Variants in ADCY2 observed in about 807,000 individuals in gnomAD.
ADCY2 encodes adenylate cyclase 2.
In ADCY2, 31 loss-of-function variants were observed where a neutral mutation model predicts 125.2. The observed-to-expected ratio is 0.25, with a 90% CI of 0.19 to 0.33. The LOEUF (loss-of-function observed/expected upper bound fraction) is 0.33. ADCY2 is among the 10% of genes least tolerant of loss of function. The probability of loss-of-function intolerance (pLI) is 1.00; values close to 1 mark genes in which losing one functional copy is unlikely to be tolerated. For missense variants in ADCY2, 904 were observed against 1,418.2 expected (o/e 0.64, Z 5.82); for synonymous variants, 512 against 548.4 (o/e 0.93, Z 0.93).
At chr5:7,609,728 G>T (rs1208804787) in intron 3 of ADCY2, among the ~76,000 whole-genome samples, 6 of 152,190 alleles carry the variant, frequency 3.9e-5, no homozygotes, top group Non-Finnish European at 5.9e-5. Flanking sequence ...AAGTATCAGG[G>T]AGTATTACTC....
At chr5:7,817,145 G>GA (rs57771304) in intron 23 of ADCY2, among the ~76,000 whole-genome samples, 165 bp downstream of exon 23, 4,893 of 145,514 alleles carry the variant, frequency 0.034, 277 homozygotes, top group African/African-American at 0.11. Flanking sequence ...GAACAAATTA[G>GA]AAAAAAAAAA....
At chr5:7,792,475 C>T (rs911576756) in intron 20 of ADCY2, among the ~76,000 whole-genome samples, 2 of 152,096 alleles carry the variant, frequency 1.3e-5, no homozygotes, top group Non-Finnish European at 1.5e-5. Context: ...CAGAGGAAAG[C>T]TCTGGAGCTC....
chr5:7,504,370 T>A (rs1427261925), intron 2 of ADCY2, among the ~76,000 whole-genome samples: 1 of 152,242 alleles, frequency 6.6e-6, no homozygotes, highest in Non-Finnish European at 1.5e-5. Context: ...TGAGTCTATT[T>A]CAACATCTGC....
At chr5:7,668,504 C>T (rs373491286) in intron 4 of ADCY2, among the ~76,000 whole-genome samples, 2 of 152,182 alleles carry the variant, frequency 1.3e-5, no homozygotes, top group African/African-American at 4.8e-5. Context: ...CTAACTAATA[C>T]ACATGGGTAC....
rs1310092365 is a variant in ADCY2 at position 7,804,543 on chromosome 5, A to G, written c.2776-42A>G. ...TCTATAAAATGCTCAGCTTCAGGTC[A>G]GCATCCAGCTGAGTAACTGGACGGT... On this transcript the variant is annotated intron_variant, in intron 21 of 24. Transcript: ENST00000338316. The G allele has an allele frequency of 2.7e-6, 4 of 1,465,848 alleles. No individual in the cohort carries two copies. The South Asian group carries it at 4.5e-5, about 17-fold the overall frequency. The allele number at this position is 1,465,848 out of a possible 1,614,324, so 90.8% of individuals were successfully genotyped here. A position where few individuals can be genotyped will look rare whatever the true frequency, so the allele number is the denominator to read the frequency against.
In ADCY2 at chr5:7,828,416, T is replaced by C. The variant is rs953443235; in HGVS notation, c.*1545T>C. On this transcript the variant is annotated 3_prime_UTR_variant, in exon 25 of 25. Coordinates refer to ENST00000338316, the MANE Select transcript of ADCY2 (RefSeq NM_020546.3). ...GAGTACTTTCCTTATTGGCAACTTATGGACTCGCTAGTGATTAAACGAGGC... is the reference window on the plus strand; with the variant it reads ...GAGTACTTTCCTTATTGGCAACTTACGGACTCGCTAGTGATTAAACGAGGC... 6.6e-6 allele frequency: 1 copy of C among 152,208 alleles called. No individual in the cohort carries two copies. The highest frequency in any genetic ancestry group is 1.5e-5 in the Non-Finnish European group (1 of 68,036). The allele number at this position is 152,208 out of a possible 1,614,324, so 9.4% of individuals were successfully genotyped here.
At chr5:7,768,500 A>T (rs1293049712) in intron 17 of ADCY2, among the ~76,000 whole-genome samples, 2 of 152,162 alleles carry the variant, frequency 1.3e-5, no homozygotes, top group African/African-American at 2.4e-5. Flanking sequence ...TGAGTTTAAA[A>T]TTTTAACATG....
rs542111963 is a variant in ADCY2, at chr5:7,517,206, C to T, written c.409-3532C>T. The stretch of plus-strand genomic sequence containing the variant: ...ATTGGAATGAGTGCTGTTGCCTCAG[C>T]TATTGTGCAAACTTGGGGTTTCTGC... On this transcript the variant is annotated intron_variant, in intron 2 of 24. Coordinates refer to ENST00000338316, the MANE Select transcript of ADCY2 (RefSeq NM_020546.3). Among the ~76,000 whole-genome samples the T allele has an allele frequency of 9.9e-5, 15 of 152,204 alleles. No homozygotes were observed. The South Asian group carries it at 3.1e-3, about 32-fold the overall frequency.
chr5:7,731,599 TA>T (rs1406966002), intron 14 of ADCY2, among the ~76,000 whole-genome samples: 2 of 150,648 alleles, frequency 1.3e-5, no homozygotes, highest in South Asian at 2.1e-4. Flanking sequence ...TCACTTCTTT[TA>T]TTTTTTTTTT....
At chr5:7,480,092 C>T (rs1410528454) in intron 2 of ADCY2, among the ~76,000 whole-genome samples, 1 of 152,062 alleles carries the variant, frequency 6.6e-6, no homozygotes, top group Non-Finnish European at 1.5e-5. Flanking sequence ...AGGATGGCTA[C>T]TATTAAACAG....
chr5:7,558,756 C>T (rs11952935), intron 3 of ADCY2, among the ~76,000 whole-genome samples: 12,357 of 152,160 alleles, frequency 0.081, 721 homozygotes, highest in Non-Finnish European at 0.12. Context: ...AAATATTTGC[C>T]AGTTTCTATG....
intron 4 of ADCY2, among the ~76,000 whole-genome samples, chr5:7,683,925 T>G (rs546208478): frequency 4.6e-5 from 7 of 152,360 alleles, no homozygotes; most frequent in Admixed American, 2.6e-4. Context: ...GTCCTCCTCC[T>G]CAGAAGAAAT....
intron 16 of ADCY2, among the ~76,000 whole-genome samples, chr5:7,757,995 A>T (rs910462087): frequency 1.3e-5 from 2 of 152,182 alleles, no homozygotes; most frequent in African/African-American, 2.4e-5. Context: ...TGTCTTAAGG[A>T]TAGTCATGAG....
intron 19 of ADCY2, among the ~76,000 whole-genome samples, chr5:7,788,212 T>C (rs1744140730): frequency 6.6e-6 from 1 of 152,200 alleles, no homozygotes; most frequent in African/African-American, 2.4e-5. Context: ...CAGAGTCTCG[T>C]TCTGTTTCCC....
rs1293638277 is a variant in ADCY2 at position 7,707,241 on chromosome 5, A to G, written c.1268+339A>G. Among the ~76,000 whole-genome samples the G allele has an allele frequency of 3.3e-5, 5 of 152,192 alleles. No individual in the cohort carries two copies. The East Asian group carries it at 9.6e-4, about 29-fold the overall frequency. ...CTGTCTAGAACTGTTGACCTCTAAAACCATTATATTAAAATAAGTGACTAC... is the reference window on the plus strand; with the variant it reads ...CTGTCTAGAACTGTTGACCTCTAAAGCCATTATATTAAAATAAGTGACTAC... On this transcript the variant is annotated intron_variant, in intron 8 of 24. Transcript: ENST00000338316.
intron 4 of ADCY2, among the ~76,000 whole-genome samples, chr5:7,632,595 T>G (rs907333020): frequency 6.6e-6 from 1 of 151,866 alleles, no homozygotes; most frequent in Non-Finnish European, 1.5e-5. Context: ...GAAAAAAAAA[T>G]GAAGAGCTGA....
intron 4 of ADCY2, among the ~76,000 whole-genome samples, chr5:7,675,293 T>C (rs1367831893): frequency 6.6e-6 from 1 of 152,180 alleles, no homozygotes; most frequent in Non-Finnish European, 1.5e-5. Context: ...TTTATGGTTA[T>C]CAAAAAATGG....
At chr5:7,745,580 C>T (rs1742572698) in intron 15 of ADCY2, among the ~76,000 whole-genome samples, 1 of 152,160 alleles carries the variant, frequency 6.6e-6, no homozygotes, top group Non-Finnish European at 1.5e-5. Context: ...TAGAAAGAAG[C>T]CTGGTTTTCT....
At chr5:7,580,833 AACTG>A (rs1736403698) in intron 3 of ADCY2, among the ~76,000 whole-genome samples, 2 of 152,234 alleles carry the variant, frequency 1.3e-5, no homozygotes, top group African/African-American at 4.8e-5. Flanking sequence ...AGCCAGAGAA[AACTG>A]ACAGATCGAA....
Sources: allele counts gnomAD v4.1 joint callset (sites outside exome capture counted in the v4.1 genomes callset), GRCh38; gene constraint gnomAD v4.1.1; transcripts MANE v1.5; gene names NCBI Gene and HGNC (gene_info 2026-07-23, HGNC 2026-07-21).